CFAP92: variants seen among roughly 807,000 people sequenced by gnomAD.
CFAP92 encodes the protein cilia and flagella associated protein 92 (putative).
In CFAP92, 86 loss-of-function variants were observed where a neutral mutation model predicts 106.3. That is an observed-to-expected ratio of 0.81 (90% CI 0.68 to 0.97). The LOEUF is 0.97. Among genes scored for constraint, CFAP92 ranks in the 50% least tolerant of loss-of-function variants. The probability of loss-of-function intolerance (pLI) is 0.00; values close to 1 mark genes in which losing one functional copy is unlikely to be tolerated. For missense variants in CFAP92, 1,204 were observed against 1,283.8 expected (o/e 0.94, Z 0.95); for synonymous variants, 477 against 506.4 (o/e 0.94, Z 0.78).
chr3:128,952,136 C>CTTCT (rs71618180), intron 9 of CFAP92, among the ~76,000 whole-genome samples: 1 of 139,306 alleles, frequency 7.2e-6, no homozygotes, highest in Non-Finnish European at 1.5e-5. Context: ...TCTTCTTCTT[C>CTTCT]TTTTTTTTTT....
intron 1 of CFAP92, chr3:129,001,845 C>T: frequency 1.9e-6 from 3 of 1,545,874 alleles, no homozygotes; most frequent in Non-Finnish European, 2.6e-6. Context: ...CGGCGCCGGC[C>T]GTCTGCCCCG....
Position 128,924,735 on chromosome 3 carries a change from C to T in CFAP92, c.2751+7965G>A, listed in dbSNP as rs188879620. ...GTGCTGGGATTATAGGCGTGAGCCA[C>T]CACGCCCGACCGATTGTATCTTAAA... is the stretch of plus-strand genomic sequence containing the variant. On this transcript the variant is annotated intron_variant, in intron 12 of 15. Coordinates refer to ENST00000645291, the MANE Select transcript of CFAP92 (RefSeq NM_001394090.1). Among the ~76,000 whole-genome samples, 8 of 152,300 alleles carry T rather than the reference C, an allele frequency of 5.3e-5. No individual in the cohort carries two copies. The East Asian group carries it at 1.5e-3, about 29-fold the overall frequency.
At chr3:128,956,215 T>TAAAAAAA (rs545191144) in intron 9 of CFAP92, among the ~76,000 whole-genome samples, 6 of 68,740 alleles carry the variant, frequency 8.7e-5, no homozygotes, top group East Asian at 4.1e-4. Flanking sequence ...AATAAAAAAA[T>TAAAAAAA]AAAAAAAAAA....
Position 128,915,575 on chromosome 3 carries a change from G to A in CFAP92, c.2917-12C>T, listed in dbSNP as rs1449869231. On this transcript the variant is annotated splice_polypyrimidine_tract_variant and intron_variant, in intron 13 of 15. Transcript: ENST00000645291. ...CTCTTTCTTGGCTCCTAGAAATGGGGGCAGACAGGTTGGGGTGGAAGGGCT... is the reference window on the plus strand; with the variant it reads ...CTCTTTCTTGGCTCCTAGAAATGGGAGCAGACAGGTTGGGGTGGAAGGGCT... 1 of 1,492,894 alleles carries A rather than the reference G, an allele frequency of 6.7e-7. No individual in the cohort carries two copies. 92.5% of individuals were successfully genotyped at this position (1,492,894 alleles called of 1,614,324 possible).
intron 9 of CFAP92, among the ~76,000 whole-genome samples, chr3:128,953,037 GC>G (rs1940963925): frequency 6.6e-6 from 1 of 151,916 alleles, no homozygotes; most frequent in African/African-American, 2.4e-5. Context: ...GGCCAAGATG[GC>G]ACCATTGCAC....
chr3:129,022,721 G>A, the CFAP92 span, among the ~76,000 whole-genome samples: 2 of 152,234 alleles, frequency 1.3e-5, no homozygotes. Context: ...CTGGAGCCCT[G>A]ACAGAGGTGC....
At chr3:129,020,172 G>C in the CFAP92 span, among the ~76,000 whole-genome samples, 2,669 of 152,270 alleles carry the variant, frequency 0.018, 74 homozygotes, top group African/African-American at 0.061. Flanking sequence ...GCATTTATTT[G>C]AGGTTTTAGG....
At chr3:129,009,188 T>C in the CFAP92 span, among the ~76,000 whole-genome samples, 1 of 152,180 alleles carries the variant, frequency 6.6e-6, no homozygotes, top group South Asian at 2.1e-4. Flanking sequence ...TTCTCTCTCT[T>C]TTCTTCCTTT....
At chr3:128,948,343 T>C (rs1167743663) in intron 9 of CFAP92, among the ~76,000 whole-genome samples, 1 of 150,628 alleles carries the variant, frequency 6.6e-6, no homozygotes, top group East Asian at 1.9e-4. Context: ...TACAGGTGTG[T>C]GCTACCATGC....
chr3:128,946,808 CA>C (rs1361089827), intron 9 of CFAP92, among the ~76,000 whole-genome samples: 2 of 151,946 alleles, frequency 1.3e-5, no homozygotes, highest in Non-Finnish European at 2.9e-5. Flanking sequence ...CACGTAAAGA[CA>C]AAGGCACTAC....
At chr3:128,957,078 G>A (rs1454569023) in intron 9 of CFAP92, among the ~76,000 whole-genome samples, 2 of 151,044 alleles carry the variant, frequency 1.3e-5, no homozygotes, top group East Asian at 3.9e-4. Context: ...AACACCCTGA[G>A]ACAAAGAACA....
At chr3:128,936,248 CTG>C (rs1224937582) in intron 10 of CFAP92, among the ~76,000 whole-genome samples, 1 of 152,260 alleles carries the variant, frequency 6.6e-6, no homozygotes, top group Non-Finnish European at 1.5e-5. Flanking sequence ...CTTCAGGAAT[CTG>C]TGTGCTTGGT....
chr3:128,977,895 C>T lies in CFAP92; in HGVS notation c.808+150G>A, dbSNP rs561589902. 34 of 851,412 alleles carry T rather than the reference C, an allele frequency of 4.0e-5. No homozygotes were observed. In the African/African-American group the frequency reaches 4.7e-4, roughly 12 times the overall value. 52.7% of individuals were successfully genotyped at this position (851,412 alleles called of 1,614,324 possible). A position where few individuals can be genotyped will look rare whatever the true frequency, so the allele number is the denominator to read the frequency against. ...AGTAAGCCATGCAGCAAGAGCAATA[C>T]AGCCGTGTGGCAGGGTGAGCCCCGC... On this transcript the variant is annotated intron_variant, in intron 5 of 15. Coordinates refer to ENST00000645291, the MANE Select transcript of CFAP92 (RefSeq NM_001394090.1).
chr3:128,943,920 G>GTTTTTTTTTTT (rs768570835), intron 10 of CFAP92, among the ~76,000 whole-genome samples: 2 of 110,134 alleles, frequency 1.8e-5, no homozygotes, highest in African/African-American at 7.6e-5. Context: ...TATTTCCCCC[G>GTTTTTTTTTTT]TTTTTTTTTT....
At chr3:129,002,657 TC>T in exon 1 of CFAP92, 1 of 348,584 alleles carries the variant, frequency 2.9e-6, no homozygotes, top group Non-Finnish European at 5.1e-6. Context: ...TCTCACATAT[TC>T]CCTTTCAACA....
At chr3:128,924,662 G>A (rs1372398221) in intron 12 of CFAP92, among the ~76,000 whole-genome samples, 1 of 151,560 alleles carries the variant, frequency 6.6e-6, no homozygotes, top group Non-Finnish European at 1.5e-5. Flanking sequence ...GGTCAGGCTA[G>A]TCCCGAACTC....
At chr3:128,995,251 C>G (rs1339890764), upstream of CFAP92, among the ~76,000 whole-genome samples, 1 of 152,234 alleles carries the variant, frequency 6.6e-6, no homozygotes, top group South Asian at 2.1e-4. Flanking sequence ...CCCCAGACCG[C>G]TCTCAGGGCA....
intron 10 of CFAP92, among the ~76,000 whole-genome samples, chr3:128,936,791 CTGTG>C (rs1301947564): frequency 6.6e-6 from 1 of 152,212 alleles, no homozygotes; most frequent in East Asian, 1.9e-4. Context: ...ACTGCCCAGT[CTGTG>C]TGTGTACCTC....
intron 1 of CFAP92, among the ~76,000 whole-genome samples, chr3:128,999,663 CAAGT>C (rs1944625113): frequency 6.6e-6 from 1 of 151,326 alleles, no homozygotes; most frequent in Non-Finnish European, 1.5e-5. Context: ...CTCAGCCTCC[CAAGT>C]AACTGGGATT....
Sources: gnomAD v4.1 joint callset for allele counts (sites outside exome capture counted in the v4.1 genomes callset) on GRCh38, gnomAD v4.1.1 for gene constraint, MANE v1.5 for transcripts, NCBI Gene and HGNC (gene_info 2026-07-23, HGNC 2026-07-21) for gene names.